ZNF804B: variants seen among roughly 807,000 people sequenced by gnomAD.
The protein encoded by ZNF804B is zinc finger 804B.
Under a neutral mutation model 101.4 loss-of-function variants are expected in ZNF804B, and 80 were observed. The ratio of observed to expected loss-of-function variants is 0.79; its 90% CI spans 0.66 to 0.95. The LOEUF (loss-of-function observed/expected upper bound fraction) is 0.95. ZNF804B is among the 40% of genes least tolerant of loss of function. The pLI, the probability that ZNF804B is intolerant of heterozygous loss-of-function variation, is 0.00. For missense variants in ZNF804B, 1,673 were observed against 1,561.9 expected, an observed-to-expected ratio of 1.07 and a Z score of -1.20; for synonymous variants, 622 against 558.8, an observed-to-expected ratio of 1.11 and a Z score of -1.59.
intron 1 of ZNF804B, among the ~76,000 whole-genome samples, chr7:88,920,107 A>G (rs541167932): frequency 6.8e-4 from 104 of 152,236 alleles, no homozygotes; most frequent in Admixed American, 9.8e-4. Flanking sequence ...AATTTGATGC[A>G]CAAGGTTAAA....
chr7:88,879,349 C>G (rs1222604401), intron 1 of ZNF804B, among the ~76,000 whole-genome samples: 2 of 152,024 alleles, frequency 1.3e-5, no homozygotes, highest in African/African-American at 4.8e-5. Flanking sequence ...TTTTTATGCA[C>G]AAAGTATAGA....
intron 1 of ZNF804B, among the ~76,000 whole-genome samples, chr7:88,767,860 C>T (rs912019529): frequency 6.6e-6 from 1 of 152,172 alleles, no homozygotes; most frequent in Non-Finnish European, 1.5e-5. Flanking sequence ...GTTCCCTCTA[C>T]CCCAAAAATT....
In ZNF804B at chr7:88,854,533, T is replaced by TTCCTTCCCTTCCCTTC. The variant is rs796987599; in HGVS notation, c.108+94449_108+94450insTCCTTCCCTTCCCTTC. Among the ~76,000 whole-genome samples, 30 of 78,174 alleles carry TTCCTTCCCTTCCCTTC rather than the reference T, an allele frequency of 3.8e-4. 3 individuals are homozygous for TTCCTTCCCTTCCCTTC. Among genetic ancestry groups the TTCCTTCCCTTCCCTTC allele is most frequent in the East Asian group, 1.8e-3 (3 of 1,664 alleles). The allele number at this position is 78,174 out of a possible 152,430, so 51.3% of individuals were successfully genotyped here. ...TTTCCTTTCCTTTCCTTCCTTTCCT[T>TTCCTTCCCTTCCCTTC]CCTTCCTTCCTTCCTTCCTTCCTTC... On this transcript the variant is annotated intron_variant, in intron 1 of 3. Transcript: ENST00000333190.
rs552502201 is a variant in ZNF804B at position 88,936,337 on chromosome 7, C to A, written c.108+176253C>A. Among the ~76,000 whole-genome samples the A allele has an allele frequency of 2.0e-5, 3 of 152,092 alleles. No individual in the cohort carries two copies. The South Asian group carries it at 6.2e-4, about 32-fold the overall frequency. On this transcript the variant is annotated intron_variant, in intron 1 of 3. Transcript: ENST00000333190. ...AACTTTCCCTCTGAGGTTTCAATAACAGAGTCACCCTGCCAAATTAAACTG... is the reference window on the plus strand; with the variant it reads ...AACTTTCCCTCTGAGGTTTCAATAAAAGAGTCACCCTGCCAAATTAAACTG...
chr7:89,056,483 C>T (rs573254617), intron 1 of ZNF804B, among the ~76,000 whole-genome samples: 9 of 152,158 alleles, frequency 5.9e-5, no homozygotes, highest in South Asian at 2.1e-4. Context: ...GGAAAGGAGA[C>T]GTAAGGTCAG....
intron 1 of ZNF804B, among the ~76,000 whole-genome samples, chr7:88,792,195 G>A (rs1790392145): frequency 6.6e-6 from 1 of 152,022 alleles, no homozygotes; most frequent in Non-Finnish European, 1.5e-5. Context: ...CACAGAAGAG[G>A]TCTGCCTGCA....
At chr7:89,276,180 G>T (rs570378772) in intron 2 of ZNF804B, among the ~76,000 whole-genome samples, 1 of 151,906 alleles carries the variant, frequency 6.6e-6, no homozygotes, top group Non-Finnish European at 1.5e-5. Flanking sequence ...AAGGGTGTGA[G>T]GGTAGGGAGA....
intron 1 of ZNF804B, among the ~76,000 whole-genome samples, chr7:88,842,241 A>G (rs1791301305): frequency 6.6e-6 from 1 of 152,152 alleles, no homozygotes; most frequent in Non-Finnish European, 1.5e-5. Context: ...GTCCTCATCA[A>G]TTGTACAAAT....
chr7:89,269,643 A>G (rs1033737197), intron 2 of ZNF804B, among the ~76,000 whole-genome samples: 1 of 152,130 alleles, frequency 6.6e-6, no homozygotes, highest in Non-Finnish European at 1.5e-5. Flanking sequence ...CGCCACACTG[A>G]CTTCCACAAT....
intron 1 of ZNF804B, among the ~76,000 whole-genome samples, chr7:89,056,237 G>A (rs1789293899): frequency 6.6e-6 from 1 of 152,060 alleles, no homozygotes; most frequent in African/African-American, 2.4e-5. Context: ...AAGATTCCTT[G>A]TCCTGTAGCA....
chr7:88,950,385 A>C (rs1399366945), intron 1 of ZNF804B, among the ~76,000 whole-genome samples: 1 of 151,904 alleles, frequency 6.6e-6, no homozygotes, highest in Non-Finnish European at 1.5e-5. Flanking sequence ...AGCTAACTAG[A>C]GTCTGTTTTA....
chr7:88,782,123 G>GTGTGTGTT (rs1203011771), intron 1 of ZNF804B, among the ~76,000 whole-genome samples: 1 of 151,830 alleles, frequency 6.6e-6, no homozygotes, highest in Non-Finnish European at 1.5e-5. Flanking sequence ...GTGTGTGTGT[G>GTGTGTGTT]TGTGTGTGTG....
chr7:89,070,864 C>G (rs1328831529), intron 1 of ZNF804B, among the ~76,000 whole-genome samples: 1 of 150,960 alleles, frequency 6.6e-6, no homozygotes, highest in Non-Finnish European at 1.5e-5. Context: ...AAACTGTATA[C>G]TCTCTTATAA....
chr7:88,947,301 G>A (rs1584032722), intron 1 of ZNF804B, among the ~76,000 whole-genome samples: 2 of 152,148 alleles, frequency 1.3e-5, no homozygotes, highest in East Asian at 3.9e-4. Flanking sequence ...TAGAGAAAAT[G>A]TGGCATATAT....
At chr7:88,918,548 T>A (rs1303674287) in intron 1 of ZNF804B, among the ~76,000 whole-genome samples, 1 of 152,154 alleles carries the variant, frequency 6.6e-6, no homozygotes. Flanking sequence ...AAGTTGTACA[T>A]AAGATTTAAA....
chr7:88,942,494 TTGAG>T (rs1014571092), intron 1 of ZNF804B, among the ~76,000 whole-genome samples: 6 of 126,494 alleles, frequency 4.7e-5, no homozygotes, highest in Non-Finnish European at 8.3e-5. Context: ...TAAAAGATAT[TTGAG>T]TGAGTGTGTG....
At chr7:88,955,374 T>C (rs192253986) in intron 1 of ZNF804B, among the ~76,000 whole-genome samples, 1 of 151,724 alleles carries the variant, frequency 6.6e-6, no homozygotes, top group African/African-American at 2.4e-5. Flanking sequence ...AGCTGAATAT[T>C]ATCCAGAAGC....
At chr7:89,169,788 C>T (rs551936153) in intron 1 of ZNF804B, among the ~76,000 whole-genome samples, 2 of 152,122 alleles carry the variant, frequency 1.3e-5, no homozygotes, top group African/African-American at 4.8e-5. Flanking sequence ...CTGCCACAAA[C>T]AGGTTGGGGA....
At chr7:89,211,060 T>C (rs1183571841) in intron 1 of ZNF804B, among the ~76,000 whole-genome samples, 2 of 152,248 alleles carry the variant, frequency 1.3e-5, no homozygotes, top group South Asian at 2.1e-4. Context: ...TGGTATTTCA[T>C]TGTGGTTTTG....
Sources: allele counts gnomAD v4.1 joint callset (sites outside exome capture counted in the v4.1 genomes callset), GRCh38; gene constraint gnomAD v4.1.1; transcripts MANE v1.5; gene names NCBI Gene and HGNC (gene_info 2026-07-23, HGNC 2026-07-21).